RHBDD2: variants seen among roughly 807,000 people sequenced by gnomAD.
RHBDD2 encodes the protein rhomboid domain-containing protein 2.
RHBDD2 carries 13 observed loss-of-function variants against 21.7 expected under a neutral mutation model. The ratio of observed to expected loss-of-function variants is 0.60; its 90% CI spans 0.39 to 0.95. The LOEUF is 0.95. Among genes scored for constraint, RHBDD2 ranks in the 40% least tolerant of loss-of-function variants. The pLI is 0.00. For synonymous variants in RHBDD2, 225 were observed against 220.0 expected, an observed-to-expected ratio of 1.02 and a Z score of -0.20; for missense variants, 473 against 478.9, an observed-to-expected ratio of 0.99 and a Z score of 0.11.
intron 1 of RHBDD2, among the ~76,000 whole-genome samples, chr7:75,879,981 C>T (rs535636525): frequency 6.6e-6 from 1 of 152,298 alleles, no homozygotes; most frequent in East Asian, 1.9e-4. Context: ...TGCTGTTTTG[C>T]AAAGCACACA....
In RHBDD2 at chr7:75,888,885, C is replaced by G. The variant is rs1444596162; in HGVS notation, c.*536C>G. On this transcript the variant is annotated 3_prime_UTR_variant, in exon 4 of 4. Transcript: ENST00000006777. ...AACTGCAGCAGCATGCTGAGGTGTC[C>G]ATGTTGTCTGCCTTTGTATAAAGAA... 6.3e-6 allele frequency: 1 copy of G among 157,950 alleles called. No homozygotes were observed. Among genetic ancestry groups the G allele is most frequent in the Non-Finnish European group, 1.4e-5 (1 of 71,382 alleles). The allele number at this position is 157,950 out of a possible 1,614,324, so 9.8% of individuals were successfully genotyped here.
In RHBDD2 at chr7:75,879,079, G is replaced by T. The variant is rs781804268; in HGVS notation, c.-4G>T. Reference sequence around the variant, plus strand: ...CGAGGCGGGGCGCGGGAACGACGGCGGCCATGGCGGCCTCGGGGCCCGGGT... The same window carrying T: ...CGAGGCGGGGCGCGGGAACGACGGCTGCCATGGCGGCCTCGGGGCCCGGGT... On this transcript the variant is annotated 5_prime_UTR_variant, in exon 1 of 4. Transcript: ENST00000006777. 2.9e-6 allele frequency: 4 copies of T among 1,360,126 alleles called. No individual in the cohort carries two copies. Among genetic ancestry groups the T allele is most frequent in the Non-Finnish European group, 3.8e-6 (4 of 1,050,876 alleles). The allele number at this position is 1,360,126 out of a possible 1,614,324, so 84.3% of individuals were successfully genotyped here.
At chr7:75,879,472 T>C (rs1805189424) in intron 1 of RHBDD2, among the ~76,000 whole-genome samples, 1 of 152,238 alleles carries the variant, frequency 6.6e-6, no homozygotes, top group Admixed American at 6.5e-5. Flanking sequence ...AGACCCCATC[T>C]TCGTCATCAC....
intron 1 of RHBDD2, chr7:75,881,552 A>G: frequency 7.4e-7 from 1 of 1,354,976 alleles, no homozygotes; most frequent in Non-Finnish European, 9.6e-7. Flanking sequence ...ACTGCCCTCT[A>G]CCGAAAAGTA....
At chr7:75,883,920 A>C in intron 3 of RHBDD2, 72 bp downstream of exon 3, 5 of 1,274,198 alleles carry the variant, frequency 3.9e-6, no homozygotes, top group Non-Finnish European at 4.3e-6. Context: ...TTTGAGACGG[A>C]GTCTCACTCT....
In RHBDD2 at chr7:75,888,498, C is replaced by CA. The variant is rs1805835239; in HGVS notation, c.*150dup. The CA allele has an allele frequency of 1.1e-5, 7 of 665,736 alleles. No individual in the cohort carries two copies. Among genetic ancestry groups the CA allele is most frequent in the South Asian group, 1.9e-5 (1 of 54,048 alleles). 41.2% of individuals were successfully genotyped at this position (665,736 alleles called of 1,614,324 possible). On this transcript the variant is annotated 3_prime_UTR_variant, in exon 4 of 4. Coordinates refer to ENST00000006777, the MANE Select transcript of RHBDD2 (RefSeq NM_001040456.3). The stretch of plus-strand genomic sequence containing the variant: ...CCCCTGTTTCAGTCTCATCTGTACT[C>CA]ACGGCAGCCCTGTGGAGTACGGTGT...
rs1554542634 is a variant in RHBDD2, at chr7:75,881,964, T to C, written c.314T>C (p.Ile105Thr). The change falls in exon 2 of 4, where the codon ATC becomes ACC. Residue 105 changes from isoleucine (I) to threonine (T), a missense_variant. By Grantham distance (89) the Ile-to-Thr change is moderately conservative. Coordinates refer to ENST00000006777, the MANE Select transcript of RHBDD2 (RefSeq NM_001040456.3). ...GTVRHCFFTV[I>T]FAIFSAIIFL... ...GTCCGCCACTGCTTCTTCACCGTGA[T>C]CTTCGCCATCTTCTCCGCTATCATC... is the stretch of plus-strand genomic sequence containing the variant. 2 of 1,614,242 alleles carry C rather than the reference T, an allele frequency of 1.2e-6. No individual in the cohort carries two copies. Among genetic ancestry groups the C allele is most frequent in the East Asian group, 2.2e-5 (1 of 44,884 alleles).
At chr7:75,879,313 C>T (rs890319262) in intron 1 of RHBDD2, 53 bp downstream of exon 1, 33 of 1,402,092 alleles carry the variant, frequency 2.4e-5, no homozygotes, top group Non-Finnish European at 2.9e-5. Flanking sequence ...TCCGACTTTG[C>T]CGGTTCCTGG....
Position 75,888,037 on chromosome 7 carries a change from T to A in RHBDD2, c.783T>A (p.Pro261=), listed in dbSNP as rs1805787958. ...PGSYPTQSCH[P]HLSPSHPVSQ... ...CCTACCCCACACAGAGCTGCCACCC[T>A]CACCTGTCCCCAAGCCACCCTGTGT... Residue 261 remains proline (P), a synonymous_variant, in exon 4 of 4, where the codon CCT becomes CCA. Transcript: ENST00000006777. 1.2e-6 allele frequency: 2 copies of A among 1,613,554 alleles called. No homozygotes were observed. The highest frequency in any genetic ancestry group is 1.1e-5 in the South Asian group (1 of 91,068).
intron 2 of RHBDD2, 112 bp from the exon 3 acceptor site, chr7:75,883,586 G>A (rs1025474128): frequency 1.1e-5 from 10 of 889,414 alleles, no homozygotes; most frequent in East Asian, 2.5e-5. Context: ...AGTGTGCAGC[G>A]TGCTAAGCAT....
intron 3 of RHBDD2, among the ~76,000 whole-genome samples, chr7:75,884,339 A>G (rs1805524540): frequency 6.6e-6 from 1 of 151,976 alleles, no homozygotes; most frequent in Admixed American, 6.6e-5. Context: ...CTCCCACCTC[A>G]GCCTCCCAAG....
At chr7:75,887,382 A>G (rs1260636073) in intron 3 of RHBDD2, among the ~76,000 whole-genome samples, 1 of 151,102 alleles carries the variant, frequency 6.6e-6, no homozygotes, top group Non-Finnish European at 1.5e-5. Context: ...CAGTGGCACA[A>G]TCTTGGCTCA....
chr7:75,883,059 C>G (rs143674520), intron 2 of RHBDD2, among the ~76,000 whole-genome samples: 19 of 152,272 alleles, frequency 1.2e-4, no homozygotes, highest in African/African-American at 4.6e-4. Context: ...CTGGTACAGC[C>G]TCCTGCCTTA....
Position 75,879,101 on chromosome 7 carries a change from GGGTGTCGCAGCT to G in RHBDD2, c.24_35del (p.Arg9_Cys12del). The G allele has an allele frequency of 7.3e-7, 1 of 1,367,774 alleles. No individual in the cohort carries two copies. 84.7% of individuals were successfully genotyped at this position (1,367,774 alleles called of 1,614,324 possible). A position where few individuals can be genotyped will look rare whatever the true frequency, so the allele number is the denominator to read the frequency against. On this transcript the variant is annotated inframe_deletion, in exon 1 of 4. Coordinates refer to ENST00000006777, the MANE Select transcript of RHBDD2 (RefSeq NM_001040456.3). ...GGCGGCCATGGCGGCCTCGGGGCCC[GGGTGTCGCAGCT>G]GGTGCTTGTGTCCCGAGGTGCCATC...
chr7:75,881,604 C>A, intron 1 of RHBDD2: 1 of 1,165,286 alleles, frequency 8.6e-7, no homozygotes, highest in Non-Finnish European at 1.2e-6. Context: ...CTAAGAGTTG[C>A]ACCAGGCCTG....
In RHBDD2 at chr7:75,881,845, C is replaced by T; in HGVS notation, c.195C>T (p.Thr65=). 1 of 1,606,734 alleles carries T rather than the reference C, an allele frequency of 6.2e-7. No homozygotes were observed. The highest frequency in any genetic ancestry group is 8.5e-7 in the Non-Finnish European group (1 of 1,175,248). Reference sequence around the variant, plus strand: ...CCTCTGCAGTTTACAGGCTGGTAACCTACATCTTTGTCTACGAGAATCCCA... The same window carrying T: ...CCTCTGCAGTTTACAGGCTGGTAACTTACATCTTTGTCTACGAGAATCCCA... ...LRNWQVYRLV[T]YIFVYENPIS... Residue 65 remains threonine, a synonymous_variant, in exon 2 of 4, where the codon ACC becomes ACT. Coordinates refer to ENST00000006777, the MANE Select transcript of RHBDD2 (RefSeq NM_001040456.3).
intron 3 of RHBDD2, among the ~76,000 whole-genome samples, chr7:75,885,796 C>T (rs781950873): frequency 6.6e-6 from 1 of 152,122 alleles, no homozygotes; most frequent in Non-Finnish European, 1.5e-5. Flanking sequence ...CCAAGCCACT[C>T]ACGCAAGGTC....
chr7:75,881,808 C>T, intron 1 of RHBDD2, 21 bp from the exon 2 acceptor site: 1 of 1,576,404 alleles, frequency 6.3e-7, no homozygotes. Flanking sequence ...CGCCAGGCCT[C>T]TAACCCGACT....
At position 75,879,336 on chromosome 7, in the gene RHBDD2, G is replaced by T; in HGVS notation, c.178+76G>T. 5 of 1,323,046 alleles carry T rather than the reference G, an allele frequency of 3.8e-6. No individual in the cohort carries two copies. In the South Asian group the frequency reaches 7.9e-5, roughly 21 times the overall value. The allele number at this position is 1,323,046 out of a possible 1,614,324, so 82.0% of individuals were successfully genotyped here. On this transcript the variant is annotated intron_variant, in intron 1 of 3. Transcript: ENST00000006777. Reference sequence around the variant, plus strand: ...TGCCGGTTCCTGGGCTCTAGCCTCCGGGACTCGCCCCTTCAGGCCTCACCG... The same window carrying T: ...TGCCGGTTCCTGGGCTCTAGCCTCCTGGACTCGCCCCTTCAGGCCTCACCG...
Sources: gnomAD v4.1 joint callset for allele counts (sites outside exome capture counted in the v4.1 genomes callset) on GRCh38, gnomAD v4.1.1 for gene constraint, MANE v1.5 for transcripts, NCBI Gene and HGNC (gene_info 2026-07-23, HGNC 2026-07-21) for gene names.